Variants in ILKAP observed in about 807,000 individuals in gnomAD.
ILKAP encodes the protein integrin-linked kinase-associated serine/threonine phosphatase 2C.
A neutral mutation model predicts 49.1 loss-of-function variants in ILKAP; 11 were observed. That is an observed-to-expected ratio of 0.22 (90% confidence interval 0.14 to 0.37). The LOEUF (loss-of-function observed/expected upper bound fraction) is 0.37, where lower values mean the gene tolerates loss of function less well. Among genes scored for constraint, ILKAP ranks in the 10% least tolerant of loss-of-function variants. The pLI is 1.00. For synonymous variants in ILKAP, 186 were observed against 192.8 expected (o/e 0.96, Z 0.29); for missense variants, 363 against 510.8 (o/e 0.71, Z 2.79).
chr2:238,201,451 G>A (rs555740487), intron 1 of ILKAP, among the ~76,000 whole-genome samples: 2 of 152,276 alleles, frequency 1.3e-5, no homozygotes, highest in South Asian at 4.1e-4. Flanking sequence ...TGCCCTCCTG[G>A]CAGATGGGGA....
chr2:238,189,805 T>C (rs1399898398), intron 4 of ILKAP, 48 bp downstream of exon 4: 8 of 1,584,848 alleles, frequency 5.0e-6, no homozygotes, highest in Non-Finnish European at 6.9e-6. Context: ...CTCTGGGTTG[T>C]TTTAAAATAT....
chr2:238,170,794 C>T, intron 11 of ILKAP, 118 bp from the exon 12 acceptor site: 1 of 1,523,936 alleles, frequency 6.6e-7, no homozygotes, highest in Non-Finnish European at 9.1e-7. Flanking sequence ...GCAGGACAAA[C>T]TGACCAGTGA....
Position 238,203,654 on chromosome 2 carries a change from G to T in ILKAP, c.-101C>A. On this transcript the variant is annotated 5_prime_UTR_variant, in exon 1 of 12. Transcript: ENST00000254654. ...CGGGCGGCAGCAGCGGGCGGGCGAC[G>T]GGCAGGGGCGGCCGGCGCCGTCAGT... The T allele has an allele frequency of 1.6e-6, 1 of 621,102 alleles. No individual in the cohort carries two copies. Among genetic ancestry groups the T allele is most frequent in the Non-Finnish European group, 2.2e-6 (1 of 464,648 alleles). The allele number at this position is 621,102 out of a possible 1,614,324, so 38.5% of individuals were successfully genotyped here. A position where few individuals can be genotyped will look rare whatever the true frequency, so the allele number is the denominator to read the frequency against.
At chr2:238,184,638 C>T (rs1227564095) in intron 6 of ILKAP, among the ~76,000 whole-genome samples, 1 of 152,000 alleles carries the variant, frequency 6.6e-6, no homozygotes, top group Non-Finnish European at 1.5e-5. Flanking sequence ...TGGTTCACTG[C>T]AGCCTGAACC....
rs116108238 is a variant in ILKAP, at chr2:238,174,481, C to T, written c.837-828G>A. On this transcript the variant is annotated intron_variant, in intron 9 of 11. Coordinates refer to ENST00000254654, the MANE Select transcript of ILKAP (RefSeq NM_030768.3). ...GTGAGAGAGCACTCCGCAAATGCCA[C>T]GGCTGCGCATGGGCGTTTAAGATCA... 7.9e-3 allele frequency among the ~76,000 whole-genome samples: 1,198 copies of T among 152,340 alleles called. 6 individuals carry two copies. Among genetic ancestry groups the T allele is most frequent in the African/African-American group, 0.027 (1,116 of 41,566 alleles).
intron 5 of ILKAP, chr2:238,187,132 G>A (rs1574795524): frequency 6.6e-6 from 1 of 152,382 alleles, no homozygotes; most frequent in Admixed American, 6.5e-5. Flanking sequence ...ACATGCCTAT[G>A]GTCCCAGCTA....
chr2:238,173,629 T>C lies in ILKAP; in HGVS notation c.861A>G (p.Leu287=), dbSNP rs761813477. The C allele has an allele frequency of 1.9e-6, 3 of 1,613,732 alleles. No individual in the cohort carries two copies. The highest frequency in any genetic ancestry group is 2.5e-6 in the Non-Finnish European group (3 of 1,179,806). Residue 287 remains leucine (L), a synonymous_variant, in exon 10 of 12, where the codon CTA becomes CTG. Coordinates refer to ENST00000254654, the MANE Select transcript of ILKAP (RefSeq NM_030768.3). ...CGTCCCCAATGGAGCGTGACACCTC[T>C]AGCACGCCCAAAACACGCCCATCCC... The part of the protein sequence containing the change: ...NVRDGRVLGV[L]EVSRSIGDGQ...
chr2:238,191,147 A>T (rs1165717401), intron 3 of ILKAP, among the ~76,000 whole-genome samples: 1 of 150,674 alleles, frequency 6.6e-6, no homozygotes, highest in Non-Finnish European at 1.5e-5. Context: ...GGTAAACACA[A>T]GGTGTCTTTT....
At chr2:238,193,652 T>C (rs1365101423) in intron 3 of ILKAP, among the ~76,000 whole-genome samples, 1 of 152,200 alleles carries the variant, frequency 6.6e-6, no homozygotes, top group East Asian at 1.9e-4. Context: ...AATTCTTATA[T>C]AAGATGACTG....
intron 1 of ILKAP, among the ~76,000 whole-genome samples, chr2:238,195,859 A>G (rs1015049325): frequency 6.6e-6 from 1 of 151,822 alleles, no homozygotes; most frequent in Non-Finnish European, 1.5e-5. Flanking sequence ...CCTGGACAAC[A>G]TGGCAAAAAA....
Position 238,185,104 on chromosome 2 carries a change from A to G in ILKAP, c.532+77T>C. ...GATTCTCTGCTAAAGCCAAAATAAC[A>G]CATCTGACTGCTTCACACAGCCAAC... On this transcript the variant is annotated intron_variant, in intron 6 of 11. Coordinates refer to ENST00000254654, the MANE Select transcript of ILKAP (RefSeq NM_030768.3). 3 of 871,926 alleles carry G rather than the reference A, an allele frequency of 3.4e-6. No homozygotes were observed. The South Asian group carries it at 4.3e-5, about 13-fold the overall frequency. The allele number at this position is 871,926 out of a possible 1,614,324, so 54.0% of individuals were successfully genotyped here. A position where few individuals can be genotyped will look rare whatever the true frequency, so the allele number is the denominator to read the frequency against.
At chr2:238,187,579 CTG>C (rs1352749942) in intron 5 of ILKAP, among the ~76,000 whole-genome samples, 1 of 152,156 alleles carries the variant, frequency 6.6e-6, no homozygotes. Context: ...TTTTCATTGT[CTG>C]TCTTTTCCTT....
chr2:238,197,887 A>C (rs1388545038), intron 1 of ILKAP, among the ~76,000 whole-genome samples: 1 of 152,166 alleles, frequency 6.6e-6, no homozygotes, highest in East Asian at 1.9e-4. Flanking sequence ...TGAGATAGGT[A>C]CTATTATTAT....
At chr2:238,173,914 A>G (rs1693336615) in intron 9 of ILKAP, 1 of 463,272 alleles carries the variant, frequency 2.2e-6, no homozygotes, top group Admixed American at 3.7e-5. Flanking sequence ...AGTGCTGCCC[A>G]GCTTAACCTT....
intron 7 of ILKAP, 55 bp downstream of exon 7, chr2:238,183,965 T>C: frequency 4.2e-6 from 5 of 1,183,306 alleles, no homozygotes; most frequent in Non-Finnish European, 6.3e-6. Context: ...CTGAAATGCA[T>C]TTAGGAAAAC....
rs561281319 is a variant in ILKAP, at chr2:238,177,917, C to T, written c.836+4148G>A. ...CATACTGTTTTCCATAGTGGCTACA[C>T]CATTTCACATTCCCACCAGCCATGC... On this transcript the variant is annotated intron_variant, in intron 9 of 11. Coordinates refer to ENST00000254654, the MANE Select transcript of ILKAP (RefSeq NM_030768.3). Among the ~76,000 whole-genome samples, 14 of 152,256 alleles carry T rather than the reference C, an allele frequency of 9.2e-5. No homozygotes were observed. In the South Asian group the frequency reaches 2.7e-3, roughly 29 times the overall value.
In ILKAP at chr2:238,180,180, GAAAGAAAGAAAAAGAAAAAGAAAA is replaced by G. The variant is rs1693629904; in HGVS notation, c.836+1861_836+1884del. On this transcript the variant is annotated intron_variant, in intron 9 of 11. Transcript: ENST00000254654. ...GATTCTCTCTCTCAAAAAAAAAAAA[GAAAGAAAGAAAAAGAAAAAGAAAA>G]AGAAATGCCAAGTCCACGGCAGACA... Among the ~76,000 whole-genome samples the G allele has an allele frequency of 4.8e-5, 7 of 147,144 alleles. No individual in the cohort carries two copies. In the South Asian group the frequency reaches 1.3e-3, roughly 27 times the overall value.
intron 1 of ILKAP, among the ~76,000 whole-genome samples, chr2:238,201,105 G>T (rs1488212726): frequency 6.6e-6 from 1 of 152,220 alleles, no homozygotes; most frequent in Non-Finnish European, 1.5e-5. Context: ...CACATATCAT[G>T]TGTGAGGGTC....
At chr2:238,189,071 C>T (rs1453905078) in intron 4 of ILKAP, among the ~76,000 whole-genome samples, 2 of 152,046 alleles carry the variant, frequency 1.3e-5, no homozygotes, top group Non-Finnish European at 2.9e-5. Flanking sequence ...GTAATCCCAG[C>T]ACTCTGGGAA....
Sources: gnomAD v4.1 joint callset for allele counts (sites outside exome capture counted in the v4.1 genomes callset) on GRCh38, gnomAD v4.1.1 for gene constraint, MANE v1.5 for transcripts, NCBI Gene and HGNC (gene_info 2026-07-23, HGNC 2026-07-21) for gene names.